NELL1: variants seen among roughly 807,000 people sequenced by gnomAD.
NELL1 encodes the protein protein kinase C-binding protein NELL1.
NELL1 carries 76 observed loss-of-function variants against 107.4 expected under a neutral mutation model. The ratio of observed to expected loss-of-function variants is 0.71; its 90% CI spans 0.59 to 0.86. The LOEUF (loss-of-function observed/expected upper bound fraction) is 0.86, where lower values mean the gene tolerates loss of function less well. NELL1 is among the 40% of genes least tolerant of loss of function. The pLI, the probability that NELL1 is intolerant of heterozygous loss-of-function variation, is 0.00. For missense variants in NELL1, 1,024 were observed against 1,005.5 expected (o/e 1.02, Z -0.25); for synonymous variants, 353 against 341.2 (o/e 1.03, Z -0.38).
At chr11:20,974,217 T>C (rs190035307) in intron 12 of NELL1, among the ~76,000 whole-genome samples, 1 of 152,116 alleles carries the variant, frequency 6.6e-6, no homozygotes, top group Admixed American at 6.6e-5. Flanking sequence ...TGGTATGAGG[T>C]GGGACACTCC....
At chr11:21,396,344 G>A (rs953751754) in intron 15 of NELL1, among the ~76,000 whole-genome samples, 10 of 151,450 alleles carry the variant, frequency 6.6e-5, no homozygotes, top group African/African-American at 9.7e-5. Flanking sequence ...CAGGAAACTC[G>A]TGGCAAAAAA....
chr11:20,884,529 G>A (rs1345477794), intron 4 of NELL1, among the ~76,000 whole-genome samples: 1 of 151,954 alleles, frequency 6.6e-6, no homozygotes, highest in Non-Finnish European at 1.5e-5. Flanking sequence ...GGGTGAGGTT[G>A]GAAGCTCGTG....
At chr11:20,987,796 C>T (rs547030177) in intron 12 of NELL1, among the ~76,000 whole-genome samples, 1 of 152,220 alleles carries the variant, frequency 6.6e-6, no homozygotes, top group South Asian at 2.1e-4. Context: ...ATAGTACTTA[C>T]ATCATACCAT....
intron 15 of NELL1, among the ~76,000 whole-genome samples, chr11:21,475,179 C>T (rs1057346562): frequency 9.2e-5 from 14 of 152,096 alleles, no homozygotes; most frequent in Non-Finnish European, 2.9e-5. Context: ...TTGGTTATAA[C>T]ACAACTTCCA....
chr11:20,781,865 C>T (rs1295547590), intron 2 of NELL1, among the ~76,000 whole-genome samples: 2 of 43,762 alleles, frequency 4.6e-5, no homozygotes, highest in Admixed American at 2.8e-4. Flanking sequence ...CCTGTCTCTA[C>T]CAAAAATACA....
chr11:21,140,529 C>G (rs1855842676), intron 13 of NELL1, among the ~76,000 whole-genome samples: 1 of 152,202 alleles, frequency 6.6e-6, no homozygotes, highest in South Asian at 2.1e-4. Flanking sequence ...AAGGTCATCT[C>G]TCTTGACCAT....
At chr11:20,989,648 G>C (rs1300593206) in intron 12 of NELL1, among the ~76,000 whole-genome samples, 1 of 152,102 alleles carries the variant, frequency 6.6e-6, no homozygotes, top group Non-Finnish European at 1.5e-5. Flanking sequence ...CTATTCCCTT[G>C]ACAACATCAT....
intron 2 of NELL1, among the ~76,000 whole-genome samples, chr11:20,776,150 G>A (rs144719747): frequency 4.2e-4 from 64 of 152,258 alleles, no homozygotes; most frequent in African/African-American, 1.5e-3. Context: ...AATAAATATA[G>A]CACTTGGCTG....
intron 12 of NELL1, among the ~76,000 whole-genome samples, chr11:20,972,747 AT>A (rs5790151): frequency 0.38 from 57,454 of 151,956 alleles, 11,844 homozygotes; most frequent in East Asian, 0.59. Flanking sequence ...TGTTGATGAG[AT>A]TTTTAAAAGA....
intron 14 of NELL1, among the ~76,000 whole-genome samples, chr11:21,348,176 G>A (rs1334864414): frequency 6.6e-6 from 1 of 152,126 alleles, no homozygotes; most frequent in East Asian, 1.9e-4. Flanking sequence ...AACATTAGGA[G>A]GTAGAGGCAT....
intron 5 of NELL1, among the ~76,000 whole-genome samples, chr11:20,895,504 C>CTTTTTTTTT (rs71063675): frequency 1.0e-5 from 1 of 100,024 alleles, no homozygotes; most frequent in Non-Finnish European, 1.9e-5. Context: ...TGATATTTGC[C>CTTTTTTTTT]TTTTTTTTTT....
chr11:20,762,174 G>C (rs530268933), intron 2 of NELL1, among the ~76,000 whole-genome samples: 4 of 152,196 alleles, frequency 2.6e-5, no homozygotes, highest in Non-Finnish European at 4.4e-5. Flanking sequence ...TTCCCTAATT[G>C]TTTAGAAATG....
chr11:21,526,983 T>C (rs1408369550), intron 15 of NELL1, among the ~76,000 whole-genome samples: 1 of 152,226 alleles, frequency 6.6e-6, no homozygotes, highest in African/African-American at 2.4e-5. Flanking sequence ...TGCTGCCTGC[T>C]TGAATTTCTT....
intron 14 of NELL1, among the ~76,000 whole-genome samples, chr11:21,357,920 G>A (rs1850975060): frequency 6.6e-6 from 1 of 152,238 alleles, no homozygotes; most frequent in South Asian, 2.1e-4. Context: ...CCCAGTTTAT[G>A]TTTTTGTTTG....
chr11:20,894,045 C>T (rs559420158), intron 5 of NELL1, among the ~76,000 whole-genome samples: 1 of 152,222 alleles, frequency 6.6e-6, no homozygotes, highest in Admixed American at 6.5e-5. Context: ...ATGGCCTACT[C>T]ACTACAGTGT....
chr11:21,461,553 T>C (rs900778730), intron 15 of NELL1, among the ~76,000 whole-genome samples: 2 of 152,110 alleles, frequency 1.3e-5, no homozygotes, highest in African/African-American at 4.8e-5. Flanking sequence ...GAATTAGCAA[T>C]AGCAGCTGAT....
At position 21,310,065 on chromosome 11, in the gene NELL1, A is replaced by C. The variant is rs113544603; in HGVS notation, c.1550-60788A>C. Among the ~76,000 whole-genome samples the C allele has an allele frequency of 3.4e-3, 517 of 152,074 alleles. 3 individuals are homozygous for C. The highest frequency in any genetic ancestry group is 0.012 in the African/African-American group (492 of 41,404). On this transcript the variant is annotated intron_variant, in intron 14 of 19. Coordinates refer to ENST00000357134, the MANE Select transcript of NELL1 (RefSeq NM_006157.5). ...ATATGTAGGGAGTTCTGATAAGTACATTAGATGAATTATTTTTTAACCTCA... is the reference window on the plus strand; with the variant it reads ...ATATGTAGGGAGTTCTGATAAGTACCTTAGATGAATTATTTTTTAACCTCA...
intron 13 of NELL1, among the ~76,000 whole-genome samples, chr11:21,141,968 T>C (rs1179895423): frequency 6.6e-6 from 1 of 152,130 alleles, no homozygotes; most frequent in Non-Finnish European, 1.5e-5. Flanking sequence ...TTTGCCATGT[T>C]GGCCAGGCTG....
chr11:21,464,650 T>C (rs1853982929), intron 15 of NELL1, among the ~76,000 whole-genome samples: 3 of 152,126 alleles, frequency 2.0e-5, no homozygotes, highest in African/African-American at 7.2e-5. Context: ...TTATTAAATA[T>C]GGATGTTGAG....
Sources: gnomAD v4.1 joint callset for allele counts (sites outside exome capture counted in the v4.1 genomes callset) on GRCh38, gnomAD v4.1.1 for gene constraint, MANE v1.5 for transcripts, NCBI Gene and HGNC (gene_info 2026-07-23, HGNC 2026-07-21) for gene names.